OSTF1: variants seen among roughly 807,000 people sequenced by gnomAD.
OSTF1 encodes osteoclast-stimulating factor 1.
A neutral mutation model predicts 37.2 loss-of-function variants in OSTF1; 27 were observed. The ratio of observed to expected loss-of-function variants is 0.73; its 90% CI spans 0.54 to 1.00. The LOEUF is 1.00. Ranked by LOEUF, OSTF1 falls within the 50% of genes least tolerant of loss-of-function variation. The pLI is 0.00. For missense variants in OSTF1, 232 were observed against 253.8 expected, an observed-to-expected ratio of 0.91 and a Z score of 0.58; for synonymous variants, 82 against 89.2, an observed-to-expected ratio of 0.92 and a Z score of 0.46.
chr9:75,102,228 G>A (rs1018268040), intron 1 of OSTF1, among the ~76,000 whole-genome samples: 4 of 152,172 alleles, frequency 2.6e-5, no homozygotes, highest in East Asian at 3.9e-4. Flanking sequence ...TCCCACCTTG[G>A]CCTCCCAAAG....
chr9:75,122,372 G>A (rs1010957462), intron 2 of OSTF1, among the ~76,000 whole-genome samples: 1 of 152,218 alleles, frequency 6.6e-6, no homozygotes, highest in Non-Finnish European at 1.5e-5. Flanking sequence ...AAGCCTGGTT[G>A]TGAAATAGAG....
chr9:75,117,647 G>C, intron 2 of OSTF1, 97 bp downstream of exon 2: 2 of 883,718 alleles, frequency 2.3e-6, no homozygotes, highest in Non-Finnish European at 3.7e-6. Context: ...CCTTTTCTTT[G>C]ATAGACCTAG....
Position 75,131,711 on chromosome 9 carries a change from C to G in OSTF1, c.197-59C>G, listed in dbSNP as rs1825762779. ...GGGGACTGTGGTGAATGAGTGGCTT[C>G]AGTAAATCATTTGTGTGGCAATTCC... On this transcript the variant is annotated intron_variant, in intron 4 of 9. Coordinates refer to ENST00000346234, the MANE Select transcript of OSTF1 (RefSeq NM_012383.5). The G allele has an allele frequency of 3.1e-6, 4 of 1,298,768 alleles. No individual in the cohort carries two copies. The Admixed American group carries it at 6.7e-5, about 22-fold the overall frequency. 80.5% of individuals were successfully genotyped at this position (1,298,768 alleles called of 1,614,324 possible).
intron 9 of OSTF1, among the ~76,000 whole-genome samples, chr9:75,143,404 CTTGA>C (rs1245007103): frequency 6.6e-6 from 1 of 152,114 alleles, no homozygotes; most frequent in East Asian, 1.9e-4. Flanking sequence ...AAGCATACAG[CTTGA>C]TTAATTTTTT....
chr9:75,117,748 G>A (rs143642916), intron 2 of OSTF1, among the ~76,000 whole-genome samples, 198 bp downstream of exon 2: 303 of 152,284 alleles, frequency 2.0e-3, no homozygotes, highest in African/African-American at 6.5e-3. Context: ...GGTCATGTCT[G>A]TCTTGTAAAG....
At chr9:75,138,042 G>A (rs1485577774) in intron 8 of OSTF1, among the ~76,000 whole-genome samples, 1 of 152,206 alleles carries the variant, frequency 6.6e-6, no homozygotes, top group Non-Finnish European at 1.5e-5. Flanking sequence ...GTCCTGCTTT[G>A]AGCTGAGCAG....
At chr9:75,096,019 GT>G (rs1252392038) in intron 1 of OSTF1, among the ~76,000 whole-genome samples, 2 of 152,058 alleles carry the variant, frequency 1.3e-5, no homozygotes, top group African/African-American at 4.8e-5. Context: ...AGCCTCCTGA[GT>G]GGCTGGGACT....
chr9:75,133,490 A>G (rs1825798820), intron 6 of OSTF1, 89 bp downstream of exon 6: 3 of 768,446 alleles, frequency 3.9e-6, no homozygotes, highest in Non-Finnish European at 6.8e-6. Context: ...GAGAAAGGAA[A>G]AGCATTGGCT....
chr9:75,132,921 A>G (rs993017069), intron 5 of OSTF1, among the ~76,000 whole-genome samples: 1 of 151,610 alleles, frequency 6.6e-6, no homozygotes, highest in Admixed American at 6.6e-5. Context: ...TTTTTTCCTC[A>G]ATTTCCAGAA....
intron 1 of OSTF1, among the ~76,000 whole-genome samples, chr9:75,094,480 TG>T (rs1825037384): frequency 6.6e-6 from 1 of 152,098 alleles, no homozygotes; most frequent in Non-Finnish European, 1.5e-5. Context: ...TATGTGCTTC[TG>T]ATAAGCATTC....
intron 1 of OSTF1, among the ~76,000 whole-genome samples, chr9:75,100,663 G>A (rs1300733450): frequency 1.3e-5 from 2 of 151,816 alleles, no homozygotes; most frequent in African/African-American, 2.4e-5. Context: ...CCTGGGAGGC[G>A]GATGTTGCAG....
At chr9:75,141,438 AGAAACATAATC>A (rs1440778651) in intron 9 of OSTF1, among the ~76,000 whole-genome samples, 1 of 151,826 alleles carries the variant, frequency 6.6e-6, no homozygotes, top group Non-Finnish European at 1.5e-5. Flanking sequence ...AAATTAGACA[AGAAACATAATC>A]TTTTACCTTT....
chr9:75,141,793 C>T (rs1564170967), intron 9 of OSTF1, among the ~76,000 whole-genome samples: 3 of 152,076 alleles, frequency 2.0e-5, no homozygotes, highest in Admixed American at 1.3e-4. Context: ...TGTTGCTCAG[C>T]CTGGAGTGCA....
chr9:75,120,880 G>T (rs1416825293), intron 2 of OSTF1, among the ~76,000 whole-genome samples: 1 of 152,094 alleles, frequency 6.6e-6, no homozygotes, highest in Non-Finnish European at 1.5e-5. Context: ...TAGACCCATG[G>T]CCCTGTCCCT....
intron 1 of OSTF1, among the ~76,000 whole-genome samples, chr9:75,102,738 C>T (rs1276677780): frequency 6.6e-6 from 1 of 152,166 alleles, no homozygotes; most frequent in Non-Finnish European, 1.5e-5. Flanking sequence ...TGGGTAACTA[C>T]TGTTTGTTTT....
chr9:75,090,294 GGTGT>G (rs3837221), intron 1 of OSTF1, among the ~76,000 whole-genome samples: 17,291 of 149,252 alleles, frequency 0.12, 1,019 homozygotes, highest in African/African-American at 0.16. Flanking sequence ...GACATTGACA[GGTGT>G]GTGTGTGTGT....
At chr9:75,097,651 T>G (rs1825110665) in intron 1 of OSTF1, among the ~76,000 whole-genome samples, 1 of 152,160 alleles carries the variant, frequency 6.6e-6, no homozygotes, top group Non-Finnish European at 1.5e-5. Context: ...GAGTTGGTAT[T>G]ACTGTTATAA....
At chr9:75,093,892 T>G (rs1825026161) in intron 1 of OSTF1, among the ~76,000 whole-genome samples, 1 of 152,202 alleles carries the variant, frequency 6.6e-6, no homozygotes, top group Non-Finnish European at 1.5e-5. Flanking sequence ...ATGGGAATGG[T>G]TAACATATAT....
intron 3 of OSTF1, among the ~76,000 whole-genome samples, chr9:75,128,178 G>A (rs572420995): frequency 2.0e-5 from 3 of 151,000 alleles, no homozygotes; most frequent in East Asian, 2.0e-4. Context: ...TTGAACTGAT[G>A]TAAACCTTGA....
Sources: gnomAD v4.1 joint callset for allele counts (sites outside exome capture counted in the v4.1 genomes callset) on GRCh38, gnomAD v4.1.1 for gene constraint, MANE v1.5 for transcripts, NCBI Gene and HGNC (gene_info 2026-07-23, HGNC 2026-07-21) for gene names.